Variants in SVIL observed in about 807,000 individuals in gnomAD.
The protein encoded by SVIL is supervillin, also known as archvillin.
In SVIL, 101 loss-of-function variants were observed where a neutral mutation model predicts 240.4. That is an observed-to-expected ratio of 0.42 (90% CI 0.36 to 0.50). SVIL has a LOEUF of 0.50. SVIL is among the 20% of genes least tolerant of loss of function. SVIL has a pLI of 0.01. For synonymous variants in SVIL, 999 were observed against 1,100.0 expected (o/e 0.91, Z 1.82); for missense variants, 2,512 against 2,818.7 (o/e 0.89, Z 2.46).
At chr10:29,549,101 T>G (rs2132637192) in intron 6 of SVIL, among the ~76,000 whole-genome samples, 1 of 150,366 alleles carries the variant, frequency 6.7e-6, no homozygotes, top group Middle Eastern at 3.4e-3. Context: ...GGGAGAAAAT[T>G]TTCACAACCT....
rs1554828024 is a variant in SVIL at position 29,509,358 on chromosome 10, A to AGAGAGAGAGAGAG, written c.3516+3364_3516+3376dup. The stretch of plus-strand genomic sequence containing the variant: ...GAGAGAGAGAGAGAGAGAGAGAGAG[A>AGAGAGAGAGAGAG]GAGAGAGAGAGAGAGAGAGAGAATA... On this transcript the variant is annotated intron_variant, in intron 17 of 37. Coordinates refer to ENST00000355867, the MANE Select transcript of SVIL (RefSeq NM_021738.3). Among the ~76,000 whole-genome samples the AGAGAGAGAGAGAG allele has an allele frequency of 3.0e-3, 384 of 128,858 alleles. 8 individuals are homozygous for AGAGAGAGAGAGAG. The highest frequency in any genetic ancestry group is 4.8e-3 in the Non-Finnish European group (286 of 59,982). 84.5% of individuals were successfully genotyped at this position (128,858 alleles called of 152,430 possible).
At chr10:29,544,339 A>T (rs1952438882) in intron 6 of SVIL, among the ~76,000 whole-genome samples, 1 of 152,208 alleles carries the variant, frequency 6.6e-6, no homozygotes, top group African/African-American at 2.4e-5. Context: ...CAGGTACAAA[A>T]TCTGCAAGGA....
At chr10:29,464,386 C>T (rs57359033) in intron 34 of SVIL, among the ~76,000 whole-genome samples, 10,521 of 152,182 alleles carry the variant, frequency 0.069, 1,171 homozygotes, top group African/African-American at 0.24. Flanking sequence ...CTGCAGTGAG[C>T]CATGACTGCG....
chr10:29,522,332 T>C, intron 16 of SVIL, 78 bp downstream of exon 16: 2 of 1,323,636 alleles, frequency 1.5e-6, no homozygotes, highest in Non-Finnish European at 2.1e-6. Context: ...TCTTTGCCCA[T>C]CACCGAGATT....
chr10:29,617,963 T>C (rs1280912962), intron 1 of SVIL, among the ~76,000 whole-genome samples: 1 of 152,202 alleles, frequency 6.6e-6, no homozygotes, highest in East Asian at 1.9e-4. Flanking sequence ...GTACCAGCCA[T>C]CATTACATTA....
At chr10:29,646,033 T>C (rs1958644006) in intron 3 of SVIL, among the ~76,000 whole-genome samples, 1 of 152,230 alleles carries the variant, frequency 6.6e-6, no homozygotes, top group Admixed American at 6.5e-5. Context: ...AAAATGTGAC[T>C]TGTGTGAGGA....
At position 29,647,433 on chromosome 10, in the gene SVIL, A is replaced by C. The variant is rs540461057; in HGVS notation, c.-201+10536T>G. Reference sequence around the variant, plus strand: ...GGATTCTCAAGTTTTATGGTTATACAACTCCCTCCCAGGGCCAAAGAATGT... The same window carrying C: ...GGATTCTCAAGTTTTATGGTTATACCACTCCCTCCCAGGGCCAAAGAATGT... On this transcript the variant is annotated intron_variant, in intron 3 of 35. Coordinates refer to the SVIL transcript ENST00000375400. Among the ~76,000 whole-genome samples the C allele has an allele frequency of 2.0e-5, 3 of 152,244 alleles. No individual in the cohort carries two copies. The South Asian group carries it at 6.2e-4, about 32-fold the overall frequency.
intron 1 of SVIL, among the ~76,000 whole-genome samples, chr10:29,626,206 C>T (rs1156457843): frequency 3.3e-5 from 5 of 152,130 alleles, no homozygotes; most frequent in Admixed American, 6.5e-5. Flanking sequence ...CACACACACA[C>T]GGTTATGGCC....
chr10:29,488,995 G>C (rs973217954), intron 22 of SVIL, among the ~76,000 whole-genome samples: 1 of 152,264 alleles, frequency 6.6e-6, no homozygotes, highest in Non-Finnish European at 1.5e-5. Flanking sequence ...ATGCTGTGCA[G>C]AGGGACAAGA....
intron 1 of SVIL, among the ~76,000 whole-genome samples, chr10:29,621,444 C>A (rs1957636214): frequency 6.6e-6 from 1 of 152,242 alleles, no homozygotes; most frequent in Admixed American, 6.5e-5. Flanking sequence ...GGGGTCCCAC[C>A]ATGCTTGGGA....
chr10:29,634,886 T>C lies in SVIL; in HGVS notation c.-667A>G, dbSNP rs1958252211. 4 of 152,220 alleles carry C rather than the reference T, an allele frequency of 2.6e-5. No individual in the cohort carries two copies. The highest frequency in any genetic ancestry group is 2.6e-4 in the Admixed American group (4 of 15,290). The allele number at this position is 152,220 out of a possible 1,614,324, so 9.4% of individuals were successfully genotyped here. On this transcript the variant is annotated 5_prime_UTR_variant, in exon 1 of 38. Coordinates refer to ENST00000355867, the MANE Select transcript of SVIL (RefSeq NM_021738.3). ...TCCTCGAGGCTGAACTTCCCCAACC[T>C]GGCCTCGGTGGAGCCATCCATTACT...
chr10:29,621,326 G>A (rs1957630476), intron 1 of SVIL, among the ~76,000 whole-genome samples: 1 of 152,192 alleles, frequency 6.6e-6, no homozygotes, highest in African/African-American at 2.4e-5. Flanking sequence ...TAATCCCAAG[G>A]GGAATTTCCC....
At chr10:29,464,231 G>A (rs1316180341) in intron 34 of SVIL, among the ~76,000 whole-genome samples, 2 of 152,036 alleles carry the variant, frequency 1.3e-5, no homozygotes, top group African/African-American at 4.8e-5. Context: ...GAGCCCGGAG[G>A]TTGAAGACCA....
chr10:29,591,044 A>C (rs560900540), intron 1 of SVIL, among the ~76,000 whole-genome samples: 1 of 152,362 alleles, frequency 6.6e-6, no homozygotes, highest in Admixed American at 6.5e-5. Flanking sequence ...TGGAGCACCC[A>C]AGAGGCCAAG....
chr10:29,482,967 CT>C (rs1009349303), intron 27 of SVIL: 23 of 152,238 alleles, frequency 1.5e-4, no homozygotes, highest in African/African-American at 5.5e-4. Context: ...GATGTCACAG[CT>C]GAGGCACATC....
chr10:29,654,730 C>T (rs116579039), intron 3 of SVIL, among the ~76,000 whole-genome samples: 90 of 152,292 alleles, frequency 5.9e-4, no homozygotes, highest in African/African-American at 2.0e-3. Flanking sequence ...AGCCTGTCTC[C>T]ATCTAAGTCC....
chr10:29,605,864 C>T (rs1215762209), intron 1 of SVIL, among the ~76,000 whole-genome samples: 2 of 151,716 alleles, frequency 1.3e-5, no homozygotes, highest in Admixed American at 1.3e-4. Context: ...TTGCCAAATC[C>T]ACAGCTATGA....
chr10:29,694,287 C>CCTAT (rs1007246696), intron 1 of SVIL, among the ~76,000 whole-genome samples: 3 of 151,040 alleles, frequency 2.0e-5, no homozygotes, highest in Admixed American at 2.0e-4. Context: ...GTAGCACATG[C>CCTAT]CTATAGTCCA....
chr10:29,494,700 T>C (rs1305889718), intron 20 of SVIL, among the ~76,000 whole-genome samples: 1 of 152,172 alleles, frequency 6.6e-6, no homozygotes, highest in Non-Finnish European at 1.5e-5. Context: ...ATCACTCAGT[T>C]CACAATTCCA....
Sources: allele counts gnomAD v4.1 joint callset (sites outside exome capture counted in the v4.1 genomes callset), GRCh38; gene constraint gnomAD v4.1.1; transcripts MANE v1.5; gene names NCBI Gene and HGNC (gene_info 2026-07-23, HGNC 2026-07-21).